Variants in TM4SF4 observed in about 807,000 individuals in gnomAD.
TM4SF4 encodes the protein transmembrane 4 L six family member 4, also known as transmembrane 4 L6 family member 4.
In TM4SF4, 24 loss-of-function variants were observed where a neutral mutation model predicts 24.1. That is an observed-to-expected ratio of 1.00 (90% CI 0.72 to 1.40). The LOEUF is 1.40. Ranked by LOEUF, TM4SF4 falls within the 40% of genes most tolerant of loss-of-function variation. TM4SF4 has a pLI of 0.00. For missense variants in TM4SF4, 254 were observed against 254.2 expected, an observed-to-expected ratio of 1.00 and a Z score of 0.01; for synonymous variants, 113 against 97.0, an observed-to-expected ratio of 1.17 and a Z score of -0.97.
chr3:149,500,578 T>C (rs67300120), intron 4 of TM4SF4, among the ~76,000 whole-genome samples: 13,036 of 152,274 alleles, frequency 0.086, 1,101 homozygotes, highest in East Asian at 0.43. Context: ...TTTATGATAG[T>C]GATTGAAAAT....
chr3:149,483,524 G>GAA (rs200330861), intron 2 of TM4SF4, among the ~76,000 whole-genome samples: 2 of 136,450 alleles, frequency 1.5e-5, no homozygotes, highest in African/African-American at 5.5e-5. Context: ...GGAGTCACAG[G>GAA]AAAAAAAAAA....
chr3:149,487,755 G>A lies in TM4SF4; in HGVS notation c.401G>A (p.Gly134Glu). 1 of 1,613,856 alleles carries A rather than the reference G, an allele frequency of 6.2e-7. No homozygotes were observed. Among genetic ancestry groups the A allele is most frequent in the Non-Finnish European group, 8.5e-7 (1 of 1,179,776 alleles). Residue 134 changes from glycine (G) to glutamate (E), a missense_variant and splice_region_variant, in exon 3 of 5, where the codon GGG (glycine) becomes GAG (glutamate). Coordinates refer to ENST00000305354, the MANE Select transcript of TM4SF4 (RefSeq NM_004617.4). ...NSTWGYPFHD[G>E]DYLNDEALWN... ...ACATGGGGCTACCCCTTCCACGACG[G>A]GTAAGGCCACACCCTGCAATGCCCA...
chr3:149,496,622 G>T (rs1273370470), intron 3 of TM4SF4, among the ~76,000 whole-genome samples: 1 of 152,200 alleles, frequency 6.6e-6, no homozygotes, highest in South Asian at 2.1e-4. Context: ...TACAAAATTA[G>T]CCGGATGTGG....
intron 2 of TM4SF4, among the ~76,000 whole-genome samples, chr3:149,477,995 A>G (rs942924908): frequency 2.0e-5 from 3 of 152,158 alleles, no homozygotes; most frequent in Non-Finnish European, 2.9e-5. Flanking sequence ...TATAAAAATA[A>G]GGGATCTTTT....
At chr3:149,481,800 A>G (rs1221217476) in intron 2 of TM4SF4, among the ~76,000 whole-genome samples, 1 of 152,218 alleles carries the variant, frequency 6.6e-6, no homozygotes, top group East Asian at 1.9e-4. Context: ...TTCAAGGGAA[A>G]CATTTGCAGT....
At position 149,481,600 on chromosome 3, in the gene TM4SF4, G is replaced by A. The variant is rs1019182898; in HGVS notation, c.264+5688G>A. ...ATCTCTATTCCTCCTTACTAAGGAG[G>A]AATGTCCATGCCCTAAGGACATGCT... On this transcript the variant is annotated intron_variant, in intron 2 of 4. Coordinates refer to ENST00000305354, the MANE Select transcript of TM4SF4 (RefSeq NM_004617.4). Among the ~76,000 whole-genome samples, 5 of 152,252 alleles carry A rather than the reference G, an allele frequency of 3.3e-5. No homozygotes were observed. The South Asian group carries it at 1.0e-3, about 32-fold the overall frequency.
chr3:149,485,405 G>T (rs1734098285), intron 2 of TM4SF4, among the ~76,000 whole-genome samples: 2 of 152,148 alleles, frequency 1.3e-5, no homozygotes, highest in Non-Finnish European at 2.9e-5. Context: ...GCTGAGAGTG[G>T]ATTTAGATAC....
intron 2 of TM4SF4, among the ~76,000 whole-genome samples, chr3:149,486,832 C>G (rs1041233512): frequency 2.0e-5 from 3 of 152,048 alleles, no homozygotes; most frequent in African/African-American, 7.2e-5. Context: ...TTTTTGGCCT[C>G]GAGGAACATA....
intron 2 of TM4SF4, among the ~76,000 whole-genome samples, chr3:149,476,814 G>GTTTTTTTTTTTTT (rs67092416): frequency 1.5e-3 from 122 of 81,142 alleles, no homozygotes; most frequent in Non-Finnish European, 2.1e-3. Flanking sequence ...TTTTGTTTTT[G>GTTTTTTTTTTTTT]TTTTTTTTTT....
intron 2 of TM4SF4, among the ~76,000 whole-genome samples, chr3:149,480,868 T>C (rs540542059): frequency 6.6e-6 from 1 of 152,316 alleles, no homozygotes; most frequent in African/African-American, 2.4e-5. Flanking sequence ...TATTTATTTA[T>C]ATTTTGAGAC....
chr3:149,497,645 C>T (rs1407299549), intron 3 of TM4SF4, among the ~76,000 whole-genome samples: 1 of 152,014 alleles, frequency 6.6e-6, no homozygotes, highest in Admixed American at 6.6e-5. Flanking sequence ...GCACAATGCC[C>T]TTTATTTTTA....
chr3:149,481,027 AT>A (rs1270209214), intron 2 of TM4SF4, among the ~76,000 whole-genome samples: 1 of 151,638 alleles, frequency 6.6e-6, no homozygotes, highest in Non-Finnish European at 1.5e-5. Context: ...CGCCCAGCTA[AT>A]TTTTTGTATT....
At position 149,474,859 on chromosome 3, in the gene TM4SF4, T is replaced by A. The variant is rs1449264305; in HGVS notation, c.-19T>A. 1.9e-6 allele frequency: 3 copies of A among 1,598,790 alleles called. No individual in the cohort carries two copies. The Admixed American group carries it at 5.4e-5, about 29-fold the overall frequency. ...AGTGAGGAGCTTTTGATTGCTGACC[T>A]GTGTCGTACCACCCCAGAATGTGCA... On this transcript the variant is annotated 5_prime_UTR_variant, in exon 1 of 5. Transcript: ENST00000305354.
chr3:149,502,193 G>A (rs1408223187), intron 4 of TM4SF4, among the ~76,000 whole-genome samples: 1 of 152,072 alleles, frequency 6.6e-6, no homozygotes, highest in Non-Finnish European at 1.5e-5. Flanking sequence ...CTTGTTAGTG[G>A]TGGCTTTCCA....
At chr3:149,482,347 T>C (rs934635421) in intron 2 of TM4SF4, among the ~76,000 whole-genome samples, 5 of 152,218 alleles carry the variant, frequency 3.3e-5, no homozygotes, top group South Asian at 2.1e-4. Context: ...AGGTAGAGTA[T>C]GCCCATAGCA....
intron 3 of TM4SF4, among the ~76,000 whole-genome samples, chr3:149,489,457 A>G (rs1484023402): frequency 1.3e-5 from 2 of 152,266 alleles, no homozygotes; most frequent in African/African-American, 2.4e-5. Flanking sequence ...GGAGGGAGAA[A>G]GAAAACAAAA....
intron 3 of TM4SF4, among the ~76,000 whole-genome samples, chr3:149,496,472 GA>G (rs970958524): frequency 4.0e-5 from 6 of 151,206 alleles, no homozygotes; most frequent in Admixed American, 1.3e-4. Context: ...AGTTTAATGA[GA>G]AAAAAAAAGT....
At chr3:149,482,657 C>T (rs1330364516) in intron 2 of TM4SF4, among the ~76,000 whole-genome samples, 1 of 152,192 alleles carries the variant, frequency 6.6e-6, no homozygotes, top group Admixed American at 6.5e-5. Flanking sequence ...AATCCTCCCA[C>T]CTCAGCCTCC....
At chr3:149,492,673 T>A (rs558612116) in intron 3 of TM4SF4, among the ~76,000 whole-genome samples, 1 of 151,454 alleles carries the variant, frequency 6.6e-6, no homozygotes, top group Non-Finnish European at 1.5e-5. Context: ...TTAGAAAGAG[T>A]CAAGGGCAAG....
Sources: allele counts gnomAD v4.1 joint callset (sites outside exome capture counted in the v4.1 genomes callset), GRCh38; gene constraint gnomAD v4.1.1; transcripts MANE v1.5; gene names NCBI Gene and HGNC (gene_info 2026-07-23, HGNC 2026-07-21).